The following HIVEP3 variants were observed in gnomAD, a reference collection of about 807,000 sequenced individuals.
HIVEP3 encodes transcription factor HIVEP3.
HIVEP3 carries 49 observed loss-of-function variants against 152.8 expected under a neutral mutation model. That is an observed-to-expected ratio of 0.32 (90% CI 0.26 to 0.41). The LOEUF (loss-of-function observed/expected upper bound fraction) is 0.41, where lower values mean the gene tolerates loss of function less well. Ranked by LOEUF, HIVEP3 falls within the 10% of genes least tolerant of loss-of-function variation. The pLI is 1.00. For synonymous variants in HIVEP3, 1,269 were observed against 1,289.0 expected (o/e 0.98, Z 0.33); for missense variants, 2,790 against 3,103.3 (o/e 0.90, Z 2.40).
intron 3 of HIVEP3, among the ~76,000 whole-genome samples, chr1:41,627,950 G>A (rs1645141725): frequency 6.6e-6 from 1 of 150,516 alleles, no homozygotes; most frequent in East Asian, 2.0e-4. Flanking sequence ...CCAGCTCTCT[G>A]GGTGATTCTG....
intron 1 of HIVEP3, among the ~76,000 whole-genome samples, chr1:41,968,673 A>C (rs1645212596): frequency 6.6e-6 from 1 of 152,086 alleles, no homozygotes; most frequent in African/African-American, 2.4e-5. Context: ...CTCTCTCACC[A>C]CTCCTATTCA....
chr1:41,983,788 G>A (rs1157546075), intron 1 of HIVEP3, among the ~76,000 whole-genome samples: 2 of 151,748 alleles, frequency 1.3e-5, no homozygotes, highest in Admixed American at 6.6e-5. Flanking sequence ...TAAAAAGACA[G>A]AACAAAAAGA....
At chr1:41,815,971 C>T (rs1253387144) in intron 1 of HIVEP3, among the ~76,000 whole-genome samples, 5 of 152,048 alleles carry the variant, frequency 3.3e-5, no homozygotes, top group African/African-American at 7.3e-5. Flanking sequence ...GCCCACGTGC[C>T]GTTGATGCAA....
At chr1:41,960,027 G>T (rs893209173) in intron 1 of HIVEP3, among the ~76,000 whole-genome samples, 1 of 152,050 alleles carries the variant, frequency 6.6e-6, no homozygotes, top group Non-Finnish European at 1.5e-5. Context: ...GGTATCTCCT[G>T]GTACTTCAAT....
chr1:41,812,983 A>G (rs1421833671), intron 1 of HIVEP3, among the ~76,000 whole-genome samples: 1 of 152,170 alleles, frequency 6.6e-6, no homozygotes, highest in East Asian at 1.9e-4. Flanking sequence ...TACAGCAAGA[A>G]GGACCTTAGC....
intron 1 of HIVEP3, among the ~76,000 whole-genome samples, chr1:41,827,404 A>G (rs887885805): frequency 6.6e-6 from 1 of 151,968 alleles, no homozygotes; most frequent in East Asian, 1.9e-4. Context: ...CCAATTTACC[A>G]TCACCTGCAA....
intron 5 of HIVEP3, among the ~76,000 whole-genome samples, chr1:41,525,539 G>A (rs1642876442): frequency 6.6e-6 from 1 of 152,158 alleles, no homozygotes; most frequent in Admixed American, 6.5e-5. Flanking sequence ...GGGAGGAGAA[G>A]GAACAGGGAC....
chr1:41,801,361 G>C (rs1311872073), intron 1 of HIVEP3, among the ~76,000 whole-genome samples: 1 of 152,010 alleles, frequency 6.6e-6, no homozygotes, highest in Non-Finnish European at 1.5e-5. Context: ...TAGGCTGATG[G>C]GTTTTCTTAT....
chr1:41,733,099 G>A (rs964947128), intron 1 of HIVEP3, among the ~76,000 whole-genome samples: 1 of 152,206 alleles, frequency 6.6e-6, no homozygotes, highest in African/African-American at 2.4e-5. Context: ...TTCTGGCCAT[G>A]AATTTTCATG....
At chr1:41,670,037 T>C (rs564506380) in intron 2 of HIVEP3, among the ~76,000 whole-genome samples, 13 of 152,178 alleles carry the variant, frequency 8.5e-5, no homozygotes, top group Non-Finnish European at 1.6e-4. Context: ...AGCAGAGGCC[T>C]CACTCCCTGG....
intron 3 of HIVEP3, among the ~76,000 whole-genome samples, chr1:41,621,820 C>T (rs1317100631): frequency 6.6e-6 from 1 of 152,198 alleles, no homozygotes; most frequent in Non-Finnish European, 1.5e-5. Flanking sequence ...GCCTGGTCAG[C>T]CCTGCTCTTC....
intron 1 of HIVEP3, among the ~76,000 whole-genome samples, chr1:41,708,603 G>T (rs1646468442): frequency 6.6e-6 from 1 of 152,158 alleles, no homozygotes; most frequent in Admixed American, 6.5e-5. Context: ...TTCTGAGTCT[G>T]CTTCTTCAGC....
intron 2 of HIVEP3, among the ~76,000 whole-genome samples, chr1:41,638,256 G>GAGAAAGAA (rs61470609): frequency 0.2 from 24,057 of 121,276 alleles, 3,272 homozygotes; most frequent in Middle Eastern, 0.22. Context: ...AAGAAAGAGA[G>GAGAAAGAA]AGAAAGAAAG....
chr1:41,723,501 C>CACACACACACA (rs57345431), intron 1 of HIVEP3, among the ~76,000 whole-genome samples: 143 of 146,550 alleles, frequency 9.8e-4, no homozygotes, highest in African/African-American at 3.2e-3. Flanking sequence ...CACACAGCCA[C>CACACACACACA]CACACACACA....
intron 1 of HIVEP3, among the ~76,000 whole-genome samples, chr1:41,751,324 A>ATGTTTT: frequency 9.6e-6 from 1 of 104,546 alleles, no homozygotes; most frequent in Admixed American, 1.2e-4. Context: ...ACTGACACAC[A>ATGTTTT]TTTTTTTTTT....
intron 1 of HIVEP3, among the ~76,000 whole-genome samples, chr1:42,031,430 T>C (rs557674688): frequency 2.6e-4 from 40 of 152,352 alleles, no homozygotes; most frequent in Non-Finnish European, 4.6e-4. Context: ...TAAGGTTTTT[T>C]TTTTAATTGC....
At chr1:41,847,940 A>G in intron 1 of HIVEP3, 1 of 152,542 alleles carries the variant, frequency 6.6e-6, no homozygotes. Context: ...CTCTTGCAGA[A>G]GTGGATCCCG....
intron 5 of HIVEP3, among the ~76,000 whole-genome samples, chr1:41,556,656 A>G (rs916467623): frequency 6.6e-6 from 1 of 152,090 alleles, no homozygotes; most frequent in African/African-American, 2.4e-5. Context: ...AAACTTATCT[A>G]TTTTTTCTTT....
intron 1 of HIVEP3, among the ~76,000 whole-genome samples, chr1:41,838,003 C>T (rs1377417023): frequency 6.6e-6 from 1 of 152,170 alleles, no homozygotes; most frequent in Non-Finnish European, 1.5e-5. Context: ...CTTTGGAATA[C>T]CATGTTCCAG....
Sources: allele counts gnomAD v4.1 joint callset (sites outside exome capture counted in the v4.1 genomes callset), GRCh38; gene constraint gnomAD v4.1.1; transcripts MANE v1.5; gene names NCBI Gene and HGNC (gene_info 2026-07-23, HGNC 2026-07-21).